The following ZNF503 variants were observed in gnomAD, a reference collection of about 807,000 sequenced individuals.
ZNF503 encodes the protein NocA-like zinc finger 2.
Under a neutral mutation model 34.4 loss-of-function variants are expected in ZNF503, and 15 were observed. That is an observed-to-expected ratio of 0.44 (90% CI 0.29 to 0.67). ZNF503 has a LOEUF of 0.67. ZNF503 is among the 30% of genes least tolerant of loss of function. ZNF503 has a pLI of 0.13. For missense variants in ZNF503, 1,007 were observed against 926.8 expected (o/e 1.09, Z -1.12); for synonymous variants, 580 against 456.8 (o/e 1.27, Z -3.44).
the ZNF503 span, among the ~76,000 whole-genome samples, chr10:75,335,224 A>G: frequency 3.3e-5 from 5 of 152,110 alleles, no homozygotes; most frequent in African/African-American, 1.2e-4. Flanking sequence ...ATGTGTGTAA[A>G]CTTAGAAAAG....
At position 75,398,020 on chromosome 10, in the gene ZNF503, C is replaced by G. The variant is rs1843722165; in HGVS notation, c.*729G>C. On this transcript the variant is annotated 3_prime_UTR_variant, in exon 2 of 2. Transcript: ENST00000372524. ...ATGAGGTTTTGGAATAGAATTTTTTCTTTTTCTTTTTTTTTTTGTTGTTTT... is the reference window on the plus strand; with the variant it reads ...ATGAGGTTTTGGAATAGAATTTTTTGTTTTTCTTTTTTTTTTTGTTGTTTT... 1 of 147,892 alleles carries G rather than the reference C, an allele frequency of 6.8e-6. No homozygotes were observed. The highest frequency in any genetic ancestry group is 2.6e-5 in the African/African-American group (1 of 38,166). The allele number at this position is 147,892 out of a possible 1,614,324, so 9.2% of individuals were successfully genotyped here. A position where few individuals can be genotyped will look rare whatever the true frequency, so the allele number is the denominator to read the frequency against.
At chr10:75,332,035 C>T in the ZNF503 span, among the ~76,000 whole-genome samples, 1 of 151,928 alleles carries the variant, frequency 6.6e-6, no homozygotes, top group Non-Finnish European at 1.5e-5. Flanking sequence ...TAGCCCTTCA[C>T]CTTCAGTCTA....
At chr10:75,347,626 C>G in the ZNF503 span, among the ~76,000 whole-genome samples, 1 of 152,280 alleles carries the variant, frequency 6.6e-6, no homozygotes, top group Non-Finnish European at 1.5e-5. Context: ...CCAGCCTTCT[C>G]TCCCTCGGAG....
chr10:75,325,329 A>T, the ZNF503 span, among the ~76,000 whole-genome samples: 6,587 of 93,898 alleles, frequency 0.07, 176 homozygotes, highest in East Asian at 0.18. Flanking sequence ...ATATATATAT[A>T]TTTTTTTTTT....
the ZNF503 span, among the ~76,000 whole-genome samples, chr10:75,354,566 T>A: frequency 6.7e-6 from 1 of 149,990 alleles, no homozygotes; most frequent in African/African-American, 2.5e-5. Context: ...AAAAAAAAAA[T>A]TGGCTAGGCA....
the ZNF503 span, among the ~76,000 whole-genome samples, chr10:75,295,914 A>G: frequency 6.6e-6 from 1 of 152,216 alleles, no homozygotes; most frequent in Non-Finnish European, 1.5e-5. The surrounding 1 kb of genome is among the most constrained non-coding windows in gnomAD (Gnocchi z 4.0). Flanking sequence ...GAGGAAAAAG[A>G]ACCCCCCTCC....
chr10:75,312,911 G>GT, the ZNF503 span, among the ~76,000 whole-genome samples: 1 of 152,122 alleles, frequency 6.6e-6, no homozygotes, highest in Non-Finnish European at 1.5e-5. Flanking sequence ...TCCCCATACT[G>GT]TTTTTGTGAT....
the ZNF503 span, among the ~76,000 whole-genome samples, chr10:75,376,897 C>A: frequency 6.6e-6 from 1 of 152,166 alleles, no homozygotes; most frequent in Non-Finnish European, 1.5e-5. Flanking sequence ...GGAACCGCCC[C>A]ATGATTCAAT....
At chr10:75,349,977 T>C in the ZNF503 span, among the ~76,000 whole-genome samples, 6 of 152,250 alleles carry the variant, frequency 3.9e-5, no homozygotes, top group Non-Finnish European at 8.8e-5. Flanking sequence ...CCTGAGGATC[T>C]AGTGAATTAG....
At chr10:75,362,695 T>C in the ZNF503 span, among the ~76,000 whole-genome samples, 4 of 152,172 alleles carry the variant, frequency 2.6e-5, no homozygotes. Context: ...GGCACTAATG[T>C]GGTGCTGGTC....
chr10:75,312,046 G>A, the ZNF503 span, among the ~76,000 whole-genome samples: 22 of 152,180 alleles, frequency 1.4e-4, no homozygotes, highest in African/African-American at 4.8e-4. Flanking sequence ...TTTCAGGAAT[G>A]TTTGTAATTG....
the ZNF503 span, among the ~76,000 whole-genome samples, chr10:75,345,218 T>C: frequency 0.024 from 3,691 of 152,270 alleles, 155 homozygotes; most frequent in African/African-American, 0.084. Context: ...GGATATTTCA[T>C]AGGGGCCAGG....
chr10:75,285,235 C>A, the ZNF503 span, among the ~76,000 whole-genome samples: 1 of 152,206 alleles, frequency 6.6e-6, no homozygotes, highest in African/African-American at 2.4e-5. Context: ...GTACCATCTC[C>A]GTTTTACAGA....
At chr10:75,321,554 T>A in the ZNF503 span, among the ~76,000 whole-genome samples, 2 of 152,196 alleles carry the variant, frequency 1.3e-5, no homozygotes, top group Non-Finnish European at 2.9e-5. Context: ...AAGTCCAGGC[T>A]GAGGAGGTCT....
the ZNF503 span, among the ~76,000 whole-genome samples, chr10:75,306,596 G>A: frequency 1.3e-5 from 2 of 151,944 alleles, no homozygotes; most frequent in Non-Finnish European, 2.9e-5. Flanking sequence ...ATTGCGCTTT[G>A]TTTTATTGTA....
chr10:75,394,322 G>C (rs1253383124), downstream of ZNF503, among the ~76,000 whole-genome samples: 1 of 152,204 alleles, frequency 6.6e-6, no homozygotes, highest in Non-Finnish European at 1.5e-5. Flanking sequence ...GGATGATACA[G>C]GATCCCATGG....
At chr10:75,309,485 A>G in the ZNF503 span, among the ~76,000 whole-genome samples, 1 of 152,222 alleles carries the variant, frequency 6.6e-6, no homozygotes, top group Non-Finnish European at 1.5e-5. Context: ...ACCAGCCATC[A>G]ACATTGAGGC....
the ZNF503 span, among the ~76,000 whole-genome samples, chr10:75,339,337 G>A: frequency 1.3e-5 from 2 of 152,206 alleles, no homozygotes; most frequent in Admixed American, 1.3e-4. Flanking sequence ...AGGACTTCAG[G>A]TGGCCGTCAG....
intron 1 of ZNF503, among the ~76,000 whole-genome samples, chr10:75,400,605 C>T (rs1843785836): frequency 6.6e-6 from 1 of 152,180 alleles, no homozygotes; most frequent in Admixed American, 6.5e-5. Flanking sequence ...CCCCCAGCAG[C>T]ATCTTTCCTG....
Sources: allele counts gnomAD v4.1 joint callset (sites outside exome capture counted in the v4.1 genomes callset), GRCh38; gene constraint gnomAD v4.1.1; non-coding constraint Gnocchi (gnomAD v3.1); transcripts MANE v1.5; gene names NCBI Gene and HGNC (gene_info 2026-07-23, HGNC 2026-07-21).